SPOCD1: variants seen among roughly 807,000 people sequenced by gnomAD.
The protein encoded by SPOCD1 is SPOC domain-containing protein 1.
Under a neutral mutation model 92.2 loss-of-function variants are expected in SPOCD1, and 64 were observed. That is an observed-to-expected ratio of 0.69 (90% CI 0.57 to 0.86). The LOEUF is 0.86. SPOCD1 is among the 40% of genes least tolerant of loss of function. The pLI, the probability that SPOCD1 is intolerant of heterozygous loss-of-function variation, is 0.00. For synonymous variants in SPOCD1, 578 were observed against 619.3 expected (o/e 0.93, Z 0.99); for missense variants, 1,360 against 1,543.1 (o/e 0.88, Z 1.99).
chr1:31,792,384 T>G lies in SPOCD1; in HGVS notation c.2793A>C (p.Arg931Ser). Residue 931 changes from arginine to serine, a missense_variant, in exon 15 of 16, where the codon AGA becomes AGC. This residue lies in a region of SPOCD1 where 614 missense variants were observed against 757.8 expected (regional missense o/e 0.81). Transcript: ENST00000360482. Reference protein sequence around the residue: ...PAKAKDVCVVRLCPHGARDTQ... With the variant: ...PAKAKDVCVVSLCPHGARDTQ... The stretch of plus-strand genomic sequence containing the variant: ...TGTCCCGGGCCCCATGTGGGCACAG[T>G]CTGACCACGCAGACGTCCTGCGGTG... 2 of 1,613,714 alleles carry G rather than the reference T, an allele frequency of 1.2e-6. No homozygotes were observed. The highest frequency in any genetic ancestry group is 1.7e-6 in the Non-Finnish European group (2 of 1,180,008).
At chr1:31,811,435 G>GT (rs1485527778) in intron 2 of SPOCD1, among the ~76,000 whole-genome samples, 1 of 151,860 alleles carries the variant, frequency 6.6e-6, no homozygotes, top group Non-Finnish European at 1.5e-5. Context: ...TCCAGCCTGG[G>GT]TGACAGGGCG....
chr1:31,806,845 G>A (rs1026338249), intron 2 of SPOCD1, among the ~76,000 whole-genome samples: 5 of 152,048 alleles, frequency 3.3e-5, no homozygotes, highest in African/African-American at 7.2e-5. Context: ...GAGGAACCGC[G>A]CCCAGCCATG....
Position 31,815,172 on chromosome 1 carries a change from G to T in SPOCD1, c.162C>A (p.Gly54=). 1 of 1,607,234 alleles carries T rather than the reference G, an allele frequency of 6.2e-7. No individual in the cohort carries two copies. Among genetic ancestry groups the T allele is most frequent in the Non-Finnish European group, 8.5e-7 (1 of 1,174,814 alleles). Reference sequence around the variant, plus strand: ...CCTTCCTGGGGATCTTCCTTCTGCTGCCAGCCCTGACTCCGGGCCCAGAGC... The same window carrying T: ...CCTTCCTGGGGATCTTCCTTCTGCTTCCAGCCCTGACTCCGGGCCCAGAGC... ...GASSGPGVRA[G]SRRKIPRKEA... is the part of the protein sequence containing the mutation. Residue 54 remains glycine (G), a synonymous_variant, in exon 2 of 16, where the codon GGC becomes GGA. Coordinates refer to ENST00000360482, the MANE Select transcript of SPOCD1 (RefSeq NM_144569.7).
At chr1:31,792,184 G>GGT in intron 15 of SPOCD1, 31 bp downstream of exon 15, 1 of 1,572,166 alleles carries the variant, frequency 6.4e-7, no homozygotes. Flanking sequence ...GTGAGCAGAG[G>GGT]CAGGGTCTGG....
At chr1:31,807,673 G>A (rs987102826) in intron 2 of SPOCD1, among the ~76,000 whole-genome samples, 2 of 151,754 alleles carry the variant, frequency 1.3e-5, no homozygotes, top group Admixed American at 6.6e-5. Context: ...TGAACGGAAG[G>A]TGACATTGAC....
At chr1:31,805,044 T>C (rs901180145) in intron 2 of SPOCD1, among the ~76,000 whole-genome samples, 10 of 147,754 alleles carry the variant, frequency 6.8e-5, no homozygotes, top group Non-Finnish European at 1.5e-4. Context: ...TGCAGTGGCA[T>C]GATCTTGGCT....
intron 10 of SPOCD1, 109 bp from the exon 11 acceptor site, chr1:31,794,344 GTTGTT>G (rs1373572292): frequency 1.6e-6 from 1 of 632,114 alleles, no homozygotes; most frequent in Non-Finnish European, 2.7e-6. Flanking sequence ...AATAATAAAT[GTTGTT>G]TTATTACCAA....
rs201246409 is a variant in SPOCD1 at position 31,815,201 on chromosome 1, C to G, written c.133G>C (p.Ala45Pro). 3.5e-5 allele frequency: 56 copies of G among 1,608,518 alleles called. No homozygotes were observed. In the East Asian group the frequency reaches 1.3e-3, roughly 36 times the overall value. Residue 45 changes from alanine (A) to proline (P), a missense_variant, in exon 2 of 16, where the codon GCA (alanine) becomes CCA (proline). Physicochemically the swap from Ala to Pro is conservative, Grantham distance 27. Around this residue, in one of 3 missense-constraint regions of SPOCD1, gnomAD observed 140 missense variants for 183.8 expected, o/e 0.76. Transcript: ENST00000360482. ...GCCCTGACTCCGGGCCCAGAGCTTG[C>G]TCCCGGCCCATCTGGTGACAGGCCT... is the stretch of plus-strand genomic sequence containing the variant. ...MPGLSPDGPG[A>P]SSGPGVRAGS...
chr1:31,794,651 T>G (rs538196716), intron 10 of SPOCD1: 1 of 155,798 alleles, frequency 6.4e-6, no homozygotes, highest in African/African-American at 2.4e-5. Context: ...TGAGTAGCTA[T>G]AGGCGTGTGC....
intron 10 of SPOCD1, 87 bp from the exon 11 acceptor site, chr1:31,794,322 T>C: frequency 1.3e-6 from 1 of 770,280 alleles, no homozygotes; most frequent in South Asian, 1.9e-5. Context: ...CAGGATGTGG[T>C]TTATTTTTCT....
intron 3 of SPOCD1, 107 bp from the exon 4 acceptor site, chr1:31,800,724 G>T: frequency 3.0e-6 from 3 of 994,570 alleles, no homozygotes; most frequent in Non-Finnish European, 4.4e-6. Flanking sequence ...CCACTGGAGT[G>T]TAAGCTCCGT....
At chr1:31,803,459 G>A (rs977974500) in intron 2 of SPOCD1, among the ~76,000 whole-genome samples, 9 of 151,866 alleles carry the variant, frequency 5.9e-5, no homozygotes, top group African/African-American at 2.2e-4. Context: ...GAAGCACTAA[G>A]AGACACATCA....
intron 9 of SPOCD1, 42 bp from the exon 10 acceptor site, chr1:31,796,757 C>T (rs147209271): frequency 6.2e-7 from 1 of 1,612,228 alleles, no homozygotes; most frequent in Non-Finnish European, 8.5e-7. Flanking sequence ...AGTTAGGGGG[C>T]CTCTGGCCAT....
chr1:31,808,924 G>T (rs1355235304), intron 2 of SPOCD1, among the ~76,000 whole-genome samples: 1 of 152,094 alleles, frequency 6.6e-6, no homozygotes, highest in Non-Finnish European at 1.5e-5. Flanking sequence ...GGCCAGGCCT[G>T]GTGGCTCATG....
chr1:31,797,648 G>C (rs550196432), intron 9 of SPOCD1, among the ~76,000 whole-genome samples: 1 of 152,326 alleles, frequency 6.6e-6, no homozygotes, highest in Non-Finnish European at 1.5e-5. Flanking sequence ...CCCTAAATCA[G>C]TCCCTTCTTC....
intron 2 of SPOCD1, among the ~76,000 whole-genome samples, chr1:31,812,354 C>T (rs141069996): frequency 1.1e-4 from 16 of 152,272 alleles, no homozygotes; most frequent in African/African-American, 2.2e-4. Flanking sequence ...ATCCCGACAG[C>T]GCCTGTGCCT....
At position 31,799,459 on chromosome 1, in the gene SPOCD1, G is replaced by C; in HGVS notation, c.1810C>G (p.Leu604Val). 1 of 1,611,996 alleles carries C rather than the reference G, an allele frequency of 6.2e-7. No homozygotes were observed. The highest frequency in any genetic ancestry group is 8.5e-7 in the Non-Finnish European group (1 of 1,179,262). ...SAQLQQEKPS[L>V]YIGVRGTVVR... ...ACAGTGCCCCGCACCCCAATATACA[G>C]GGATGGCTTCTCCTGTTGGAGCTGA... Residue 604 changes from leucine to valine, a missense_variant, in exon 7 of 16, where the codon CTG becomes GTG. Around this residue, in one of 3 missense-constraint regions of SPOCD1, gnomAD observed 606 missense variants for 601.5 expected, o/e 1.01. Transcript: ENST00000360482.
At chr1:31,796,565 G>A in intron 10 of SPOCD1, 25 bp downstream of exon 10, 1 of 1,614,234 alleles carries the variant, frequency 6.2e-7, no homozygotes, top group Non-Finnish European at 8.5e-7. Context: ...GCTCTGCCCA[G>A]CACCAGGTCA....
chr1:31,796,189 C>A (rs1648004730), intron 10 of SPOCD1: 1 of 327,056 alleles, frequency 3.1e-6, no homozygotes, highest in Non-Finnish European at 6.0e-6. Flanking sequence ...CTGGAGCATC[C>A]CTAAACCAAT....
Sources: allele counts gnomAD v4.1 joint callset (sites outside exome capture counted in the v4.1 genomes callset), GRCh38; gene constraint gnomAD v4.1.1; regional missense constraint gnomAD v4.1.1; transcripts MANE v1.5; gene names NCBI Gene and HGNC (gene_info 2026-07-23, HGNC 2026-07-21).